The following AGL variants were observed in gnomAD, a reference collection of about 807,000 sequenced individuals.
The protein encoded by AGL is amylo-alpha-1,6-glucosidase and 4-alpha-glucanotransferase, also known as glycogen debranching enzyme.
AGL carries 128 observed loss-of-function variants against 199.3 expected under a neutral mutation model. The ratio of observed to expected loss-of-function variants is 0.64; its 90% CI spans 0.56 to 0.74. The LOEUF (loss-of-function observed/expected upper bound fraction) is 0.74. Ranked by LOEUF, AGL falls within the 30% of genes least tolerant of loss-of-function variation. AGL has a pLI of 0.00. For missense variants in AGL, 1,809 were observed against 1,820.8 expected (o/e 0.99, Z 0.12); for synonymous variants, 584 against 594.7 (o/e 0.98, Z 0.26).
chr1:99,865,261 A>G (rs897243836), intron 5 of AGL, among the ~76,000 whole-genome samples: 9 of 152,176 alleles, frequency 5.9e-5, no homozygotes, highest in Non-Finnish European at 7.3e-5. Flanking sequence ...GGACTACTCT[A>G]TTAATCCTTT....
chr1:99,922,190 CTA>C lies in AGL; in HGVS notation c.*541_*542del. On this transcript the variant is annotated 3_prime_UTR_variant, in exon 34 of 34. Coordinates refer to ENST00000361915, the MANE Select transcript of AGL (RefSeq NM_000642.3). Reference sequence around the variant, plus strand: ...CCTAAATGGAGCACAGATGTTCAAACTATGCTTTCATTTTTTCACTGATATAT... The same window carrying C: ...CCTAAATGGAGCACAGATGTTCAAACTGCTTTCATTTTTTCACTGATATAT... The C allele has an allele frequency of 6.6e-6, 1 of 151,954 alleles. No homozygotes were observed. Among genetic ancestry groups the C allele is most frequent in the East Asian group, 1.9e-4 (1 of 5,184 alleles). 9.4% of individuals were successfully genotyped at this position (151,954 alleles called of 1,614,324 possible).
At chr1:99,918,998 C>T (rs926913996) in intron 33 of AGL, among the ~76,000 whole-genome samples, 1 of 152,122 alleles carries the variant, frequency 6.6e-6, no homozygotes, top group African/African-American at 2.4e-5. Flanking sequence ...GTAGTTTCCT[C>T]TTGTGAATTT....
Position 99,879,949 on chromosome 1 carries a change from G to T in AGL, c.1638G>T (p.Leu546Phe). The change falls in exon 13 of 34, where the codon TTG becomes TTT. Residue 546 changes from leucine to phenylalanine, a missense_variant. Coordinates refer to ENST00000361915, the MANE Select transcript of AGL (RefSeq NM_000642.3). ...ACATGTTGGATGCTGCTAGGAATTTGCAACCCAATTTATATGTAGTAGCTG... is the reference window on the plus strand; with the variant it reads ...ACATGTTGGATGCTGCTAGGAATTTTCAACCCAATTTATATGTAGTAGCTG... ...AEYMLDAARNLQPNLYVVAEL... is the reference protein window; with the variant it reads ...AEYMLDAARNFQPNLYVVAEL... The T allele has an allele frequency of 6.2e-7, 1 of 1,613,526 alleles. No homozygotes were observed. The highest frequency in any genetic ancestry group is 8.5e-7 in the Non-Finnish European group (1 of 1,179,720).
chr1:99,899,969 G>T (rs1239772526), intron 25 of AGL, among the ~76,000 whole-genome samples: 1 of 149,472 alleles, frequency 6.7e-6, no homozygotes, highest in African/African-American at 2.5e-5. Flanking sequence ...TTGCTCTGTT[G>T]CCCAGACTGG....
intron 2 of AGL, among the ~76,000 whole-genome samples, chr1:99,854,393 G>T (rs977531350): frequency 6.6e-6 from 1 of 152,160 alleles, no homozygotes; most frequent in African/African-American, 2.4e-5. Flanking sequence ...GGTTAAAACC[G>T]GTAAATGTAT....
chr1:99,911,523 G>C (rs1346831933), intron 28 of AGL, among the ~76,000 whole-genome samples: 3 of 152,028 alleles, frequency 2.0e-5, no homozygotes, highest in Non-Finnish European at 4.4e-5. Flanking sequence ...GCTCACTGCA[G>C]CCTCTGTCTC....
intron 2 of AGL, among the ~76,000 whole-genome samples, chr1:99,860,935 C>T (rs1224143178): frequency 6.6e-6 from 1 of 152,206 alleles, no homozygotes; most frequent in African/African-American, 2.4e-5. Flanking sequence ...AGATATCAGT[C>T]GGGTTCAGTT....
chr1:99,887,292 G>A (rs1189906887), intron 20 of AGL, among the ~76,000 whole-genome samples: 1 of 152,200 alleles, frequency 6.6e-6, no homozygotes, highest in Non-Finnish European at 1.5e-5. Flanking sequence ...CAGTTATACA[G>A]TCTTACTGCT....
chr1:99,883,391 A>G (rs191640822), intron 17 of AGL, among the ~76,000 whole-genome samples: 17 of 152,272 alleles, frequency 1.1e-4, no homozygotes, highest in Admixed American at 7.2e-4. Flanking sequence ...ATGCACAAGA[A>G]TATTTATTAC....
intron 25 of AGL, among the ~76,000 whole-genome samples, chr1:99,898,123 T>A (rs1005110804): frequency 2.0e-5 from 3 of 151,546 alleles, no homozygotes; most frequent in Admixed American, 6.6e-5. Context: ...CTCCGCTCAC[T>A]GCAAGCTCCG....
intron 12 of AGL, among the ~76,000 whole-genome samples, 157 bp from the exon 13 acceptor site, chr1:99,879,766 A>T (rs1004118209): frequency 7.2e-5 from 11 of 152,022 alleles, no homozygotes; most frequent in African/African-American, 2.4e-4. Context: ...TTCTCTTGAT[A>T]AATTCTCTTG....
Position 99,875,413 on chromosome 1 carries a change from C to A in AGL, c.1241C>A (p.Pro414Gln), listed in dbSNP as rs758882822. ...VFYERLAGHG[P>Q]KLGPVTRKHP... ...TATGAACGACTGGCTGGCCATGGTC[C>A]AAAACTAGGACCTGTCACTAGAAAG... The change falls in exon 10 of 34, where the codon CCA (proline) becomes CAA (glutamine). Residue 414 changes from proline (P) to glutamine (Q), a missense_variant. Transcript: ENST00000361915. The A allele has an allele frequency of 1.2e-5, 19 of 1,614,056 alleles. No homozygotes were observed. Among genetic ancestry groups the A allele is most frequent in the Non-Finnish European group, 1.6e-5 (19 of 1,180,016 alleles).
chr1:99,880,428 A>G (rs1353496614), intron 13 of AGL, among the ~76,000 whole-genome samples: 1 of 152,198 alleles, frequency 6.6e-6, no homozygotes, highest in East Asian at 1.9e-4. Flanking sequence ...CCTTTTCCTT[A>G]CATGAGCCAT....
intron 2 of AGL, among the ~76,000 whole-genome samples, chr1:99,854,057 G>C (rs1159468809): frequency 6.6e-6 from 1 of 151,934 alleles, no homozygotes; most frequent in Non-Finnish European, 1.5e-5. Flanking sequence ...AGCCAGGCGT[G>C]GTGGCGCATG....
At chr1:99,889,299 G>C (rs991946537) in intron 21 of AGL, among the ~76,000 whole-genome samples, 1 of 152,102 alleles carries the variant, frequency 6.6e-6, no homozygotes, top group Non-Finnish European at 1.5e-5. Context: ...TATACTTTCT[G>C]CAAAACCAAG....
intron 2 of AGL, among the ~76,000 whole-genome samples, chr1:99,856,326 TCCTCCCTCCCTCCCTC>T (rs1335103886): frequency 2.0e-5 from 1 of 48,880 alleles, no homozygotes; most frequent in Admixed American, 2.1e-4. Flanking sequence ...CTCCCTTCCT[TCCTCCCTCCCTCCCTC>T]CCTCCCTCCC....
rs772603921 is a variant in AGL at position 99,891,758 on chromosome 1, G to C, written c.3083+19G>C. 9 of 1,612,864 alleles carry C rather than the reference G, an allele frequency of 5.6e-6. No individual in the cohort carries two copies. The highest frequency in any genetic ancestry group is 1.7e-5 in the Admixed American group (1 of 59,948). On this transcript the variant is annotated intron_variant, in intron 23 of 33. Coordinates refer to ENST00000361915, the MANE Select transcript of AGL (RefSeq NM_000642.3). Reference sequence around the variant, plus strand: ...TGTCAAGGTATATCCAACAAAGCTTGAATAAATGGGCATATCTGTGTTGAA... The same window carrying C: ...TGTCAAGGTATATCCAACAAAGCTTCAATAAATGGGCATATCTGTGTTGAA...
rs929319875 is a variant in AGL at position 99,854,508 on chromosome 1, A to G, written c.82+3384A>G. 3.9e-5 allele frequency among the ~76,000 whole-genome samples: 6 copies of G among 152,312 alleles called. No homozygotes were observed. The South Asian group carries it at 1.2e-3, about 32-fold the overall frequency. On this transcript the variant is annotated intron_variant, in intron 2 of 33. Transcript: ENST00000361915. Reference sequence around the variant, plus strand: ...CCGGGTGCGGTGGCTCACGCCTGTAATCCTAGCACTTTGGGAGGCCGAGGC... The same window carrying G: ...CCGGGTGCGGTGGCTCACGCCTGTAGTCCTAGCACTTTGGGAGGCCGAGGC...
At chr1:99,866,880 G>A (rs374026292) in intron 5 of AGL, among the ~76,000 whole-genome samples, 1 of 151,454 alleles carries the variant, frequency 6.6e-6, no homozygotes, top group Non-Finnish European at 1.5e-5. Flanking sequence ...GTGCAATGGC[G>A]CGATCTCGGC....
Sources: gnomAD v4.1 joint callset for allele counts (sites outside exome capture counted in the v4.1 genomes callset) on GRCh38, gnomAD v4.1.1 for gene constraint, MANE v1.5 for transcripts, NCBI Gene and HGNC (gene_info 2026-07-23, HGNC 2026-07-21) for gene names.